Variants in RTN4RL1 observed in about 807,000 individuals in gnomAD.
RTN4RL1 encodes the protein reticulon-4 receptor-like 1.
In RTN4RL1, 7 loss-of-function variants were observed where a neutral mutation model predicts 25.6. The observed-to-expected ratio is 0.27, with a 90% CI of 0.16 to 0.51. The LOEUF is 0.51. RTN4RL1 is among the 20% of genes least tolerant of loss of function. The probability of loss-of-function intolerance (pLI) is 0.97; values close to 1 mark genes in which losing one functional copy is unlikely to be tolerated. For missense variants in RTN4RL1, 500 were observed against 615.6 expected (o/e 0.81, Z 1.99); for synonymous variants, 297 against 288.2 (o/e 1.03, Z -0.31).
At chr17:2,021,674 C>T (rs1329683936) in intron 1 of RTN4RL1, among the ~76,000 whole-genome samples, 2 of 149,052 alleles carry the variant, frequency 1.3e-5, no homozygotes, top group Non-Finnish European at 3.0e-5. Flanking sequence ...CCTGCCTCAA[C>T]TTCCCAAGGA....
intron 1 of RTN4RL1, among the ~76,000 whole-genome samples, chr17:1,967,309 G>C (rs1236694823): frequency 1.3e-5 from 2 of 152,188 alleles, no homozygotes; most frequent in Non-Finnish European, 2.9e-5. Flanking sequence ...CTGCAGCATG[G>C]ATTCCGCCGG....
Position 1,951,226 on chromosome 17 carries a change from C to T in RTN4RL1, c.14-13418G>A, listed in dbSNP as rs947666481. On this transcript the variant is annotated intron_variant, in intron 1 of 1. Transcript: ENST00000331238. ...CTTGCAGTGAGCCAAGATCACGCCACTGCACTCCAGCCTGGGCGACAGAGC... is the reference window on the plus strand; with the variant it reads ...CTTGCAGTGAGCCAAGATCACGCCATTGCACTCCAGCCTGGGCGACAGAGC... Among the ~76,000 whole-genome samples the T allele has an allele frequency of 2.0e-5, 3 of 151,608 alleles. No homozygotes were observed. In the South Asian group the frequency reaches 6.2e-4, roughly 31 times the overall value.
rs370238483 is a variant in RTN4RL1 at position 1,936,179 on chromosome 17, G to C, written c.*317C>G. The C allele has an allele frequency of 5.6e-5, 66 of 1,176,032 alleles. No individual in the cohort carries two copies. The highest frequency in any genetic ancestry group is 5.4e-4 in the African/African-American group (34 of 62,684). The allele number at this position is 1,176,032 out of a possible 1,614,324, so 72.8% of individuals were successfully genotyped here. A position where few individuals can be genotyped will look rare whatever the true frequency, so the allele number is the denominator to read the frequency against. On this transcript the variant is annotated 3_prime_UTR_variant, in exon 2 of 2. Transcript: ENST00000331238. ...ACAGAGCCCCGGTGCCGCCGTCGGGGGCAATTGTCCCACTGTTGCCAGTGG... is the reference window on the plus strand; with the variant it reads ...ACAGAGCCCCGGTGCCGCCGTCGGGCGCAATTGTCCCACTGTTGCCAGTGG...
chr17:2,005,772 T>C (rs79024302), intron 1 of RTN4RL1, among the ~76,000 whole-genome samples: 9 of 145,476 alleles, frequency 6.2e-5, no homozygotes, highest in African/African-American at 2.2e-4. Context: ...TCTCCTTCTC[T>C]TTCTTTTTTC....
chr17:1,988,387 G>C (rs1166707615), intron 1 of RTN4RL1, among the ~76,000 whole-genome samples: 19 of 124,004 alleles, frequency 1.5e-4, no homozygotes, highest in Non-Finnish European at 2.7e-4. Flanking sequence ...CCTGGTGACA[G>C]AGCAAGACTC....
At chr17:1,965,350 G>C (rs571015814) in intron 1 of RTN4RL1, among the ~76,000 whole-genome samples, 2 of 152,040 alleles carry the variant, frequency 1.3e-5, no homozygotes, top group Admixed American at 1.3e-4. Context: ...GACCTCAGGT[G>C]ATCCGCCCAC....
intron 1 of RTN4RL1, among the ~76,000 whole-genome samples, chr17:1,952,795 T>C (rs11655767): frequency 0.44 from 67,237 of 151,200 alleles, 15,865 homozygotes; most frequent in Middle Eastern, 0.57. Context: ...CTTCACTGTC[T>C]GGGGTTGGTT....
At chr17:1,968,397 T>C (rs2066802379) in intron 1 of RTN4RL1, among the ~76,000 whole-genome samples, 1 of 152,066 alleles carries the variant, frequency 6.6e-6, no homozygotes. Flanking sequence ...GGCCGTCCTC[T>C]CTCCTGACAG....
intron 1 of RTN4RL1, among the ~76,000 whole-genome samples, chr17:1,964,050 G>A (rs1180376463): frequency 6.6e-6 from 1 of 151,610 alleles, no homozygotes; most frequent in Non-Finnish European, 1.5e-5. Context: ...CTAATGGGGA[G>A]GAGGTCCTGG....
rs375151899 is a variant in RTN4RL1, at chr17:1,937,476, G to C, written c.346C>G (p.Leu116Val). The change falls in exon 2 of 2, where the codon CTG (leucine) becomes GTG (valine). Residue 116 changes from leucine to valine, a missense_variant. By Grantham distance (32) the Leu-to-Val change is conservative. Transcript: ENST00000331238. ...AGGCCCTGGAAGGTCTCGGGTGCCA[G>C]CGTCCGCAGCTGCCGGTTGTCGCCG... ...DLGDNRQLRT[L>V]APETFQGLVK... 2.5e-6 allele frequency: 4 copies of C among 1,613,974 alleles called. No individual in the cohort carries two copies. The highest frequency in any genetic ancestry group is 3.4e-6 in the Non-Finnish European group (4 of 1,179,894).
intron 1 of RTN4RL1, among the ~76,000 whole-genome samples, chr17:1,971,332 C>A (rs1335886291): frequency 6.6e-6 from 1 of 152,310 alleles, no homozygotes; most frequent in East Asian, 1.9e-4. Flanking sequence ...GAGGCCTCCC[C>A]AGTCACGCAG....
intron 1 of RTN4RL1, among the ~76,000 whole-genome samples, chr17:2,018,349 A>G (rs553212197): frequency 5.3e-5 from 8 of 152,336 alleles, no homozygotes; most frequent in Non-Finnish European, 1.0e-4. Flanking sequence ...TCCCCAAGGA[A>G]GAAACCAGGG....
At chr17:1,979,229 C>T (rs139617812) in intron 1 of RTN4RL1, among the ~76,000 whole-genome samples, 336 of 152,270 alleles carry the variant, frequency 2.2e-3, no homozygotes, top group African/African-American at 7.5e-3. Context: ...GCCAAGATAG[C>T]GCCACTGCAC....
chr17:1,969,119 C>T (rs778019827), intron 1 of RTN4RL1, among the ~76,000 whole-genome samples: 4 of 132,224 alleles, frequency 3.0e-5, no homozygotes, highest in East Asian at 2.4e-4. Context: ...AGTGCAGTGG[C>T]GCAATCTCAG....
chr17:2,007,337 AAC>A (rs34669886), intron 1 of RTN4RL1, among the ~76,000 whole-genome samples: 25,516 of 140,188 alleles, frequency 0.18, 2,363 homozygotes, highest in African/African-American at 0.24. Flanking sequence ...TCACAGCCCC[AAC>A]ACACACACAC....
At chr17:1,975,398 C>A (rs1402034284) in intron 1 of RTN4RL1, among the ~76,000 whole-genome samples, 2 of 152,114 alleles carry the variant, frequency 1.3e-5, no homozygotes, top group Admixed American at 1.3e-4. Flanking sequence ...TGCCTGTAAT[C>A]CCAGCATTTT....
chr17:1,997,206 C>G (rs745956100), intron 1 of RTN4RL1, among the ~76,000 whole-genome samples: 2 of 152,222 alleles, frequency 1.3e-5, no homozygotes, highest in Non-Finnish European at 2.9e-5. Flanking sequence ...AGGGATCTGC[C>G]GCTCACTACC....
intron 1 of RTN4RL1, among the ~76,000 whole-genome samples, chr17:1,969,147 C>G (rs999481712): frequency 9.3e-5 from 14 of 149,824 alleles, no homozygotes; most frequent in African/African-American, 3.4e-4. Flanking sequence ...CAACCTCTGC[C>G]TCCGAGGTTA....
rs1282798398 is a variant in RTN4RL1, at chr17:1,936,957, G to C, written c.865C>G (p.His289Asp). 1 of 1,608,380 alleles carries C rather than the reference G, an allele frequency of 6.2e-7. No homozygotes were observed. The highest frequency in any genetic ancestry group is 1.3e-5 in the African/African-American group (1 of 74,878). The change falls in exon 2 of 2, where the codon CAC becomes GAC. Residue 289 changes from histidine to aspartate, a missense_variant. By Grantham distance (81) the His-to-Asp change is moderately conservative (BLOSUM62 -1). Transcript: ENST00000331238. ...AVPCVSPGLR[H>D]GQDLKLLRAE... ...CTCAGCAGCTTCAGGTCCTGGCCGT[G>C]CCGCAGCCCAGGGGACACACAGGGG...
Sources: allele counts gnomAD v4.1 joint callset (sites outside exome capture counted in the v4.1 genomes callset), GRCh38; gene constraint gnomAD v4.1.1; transcripts MANE v1.5; gene names NCBI Gene and HGNC (gene_info 2026-07-23, HGNC 2026-07-21).